ZNF385D: variants seen among roughly 807,000 people sequenced by gnomAD.
ZNF385D encodes zinc finger protein 385D, also known as zinc finger protein 659.
Under a neutral mutation model 35.8 loss-of-function variants are expected in ZNF385D, and 15 were observed. That is an observed-to-expected ratio of 0.42 (90% CI 0.28 to 0.64). The LOEUF (loss-of-function observed/expected upper bound fraction) is 0.64. Ranked by LOEUF, ZNF385D falls within the 30% of genes least tolerant of loss-of-function variation. The pLI, the probability that ZNF385D is intolerant of heterozygous loss-of-function variation, is 0.23. For synonymous variants in ZNF385D, 212 were observed against 186.8 expected, an observed-to-expected ratio of 1.13 and a Z score of -1.10; for missense variants, 474 against 494.6, an observed-to-expected ratio of 0.96 and a Z score of 0.39.
intron 3 of ZNF385D, among the ~76,000 whole-genome samples, chr3:21,517,092 C>G (rs1707619080): frequency 6.6e-6 from 1 of 151,236 alleles, no homozygotes; most frequent in Non-Finnish European, 1.5e-5. Flanking sequence ...AAAATTTTAT[C>G]TTTTTTTAAT....
At chr3:22,205,535 A>T (rs1449240712) in intron 2 of ZNF385D, among the ~76,000 whole-genome samples, 1 of 152,038 alleles carries the variant, frequency 6.6e-6, no homozygotes, top group East Asian at 1.9e-4. Flanking sequence ...GAAAGATGAA[A>T]AGACAAACTG....
At chr3:21,608,933 G>GA (rs2064581151) in intron 2 of ZNF385D, among the ~76,000 whole-genome samples, 2 of 152,082 alleles carry the variant, frequency 1.3e-5, no homozygotes, top group East Asian at 1.9e-4. Flanking sequence ...ACACAAGGAG[G>GA]AAAAAAATTT....
In ZNF385D at chr3:21,548,455, T is replaced by TG. The variant is rs991316958; in HGVS notation, c.276+16118dup. The stretch of plus-strand genomic sequence containing the variant: ...TTTGTTTAATTGGAAATATATCTCT[T>TG]GCTTCACTACTGCATTTTATCTTCC... On this transcript the variant is annotated intron_variant, in intron 3 of 7. Transcript: ENST00000281523. Among the ~76,000 whole-genome samples the TG allele has an allele frequency of 1.6e-4, 24 of 152,344 alleles. 1 individual carries two copies. The highest frequency in any genetic ancestry group is 1.1e-3 in the Admixed American group (17 of 15,306).
At chr3:22,227,069 C>A (rs1698602032) in intron 2 of ZNF385D, among the ~76,000 whole-genome samples, 1 of 152,108 alleles carries the variant, frequency 6.6e-6, no homozygotes, top group African/African-American at 2.4e-5. Flanking sequence ...CAAGCCCAGA[C>A]CCACTAAATC....
intron 2 of ZNF385D, among the ~76,000 whole-genome samples, chr3:21,587,988 C>G (rs574544145): frequency 5.9e-5 from 9 of 152,044 alleles, no homozygotes; most frequent in Admixed American, 5.9e-4. Context: ...AATTTTAGTG[C>G]CCATCAGTTT....
intron 2 of ZNF385D, among the ~76,000 whole-genome samples, chr3:22,173,947 C>CA (rs1694641062): frequency 6.6e-6 from 1 of 151,934 alleles, no homozygotes; most frequent in East Asian, 1.9e-4. Context: ...AACCCACTAA[C>CA]AAAAAATCTA....
At chr3:22,277,890 G>T (rs1345336311) in intron 2 of ZNF385D, among the ~76,000 whole-genome samples, 1 of 152,018 alleles carries the variant, frequency 6.6e-6, no homozygotes, top group African/African-American at 2.4e-5. Context: ...GGCTTAGTGT[G>T]TTTAAAGAAC....
chr3:21,761,724 G>A (rs2070618169), intron 3 of ZNF385D, among the ~76,000 whole-genome samples: 2 of 150,828 alleles, frequency 1.3e-5, no homozygotes, highest in Non-Finnish European at 2.9e-5. Flanking sequence ...TAATAGTCAT[G>A]AGAGAATGCA....
intron 2 of ZNF385D, among the ~76,000 whole-genome samples, chr3:21,578,547 A>G (rs1040405229): frequency 6.6e-6 from 1 of 152,128 alleles, no homozygotes; most frequent in Admixed American, 6.5e-5. Context: ...ATTCTTCTAT[A>G]TATGGATATC....
chr3:21,820,472 G>C, intron 3 of ZNF385D, among the ~76,000 whole-genome samples: 1 of 151,588 alleles, frequency 6.6e-6, no homozygotes, highest in East Asian at 1.9e-4. Context: ...GATCCGAGAG[G>C]AAAATTTGTC....
intron 2 of ZNF385D, among the ~76,000 whole-genome samples, chr3:22,284,177 TTTTGTTTG>T (rs143956125): frequency 2.0e-5 from 3 of 151,214 alleles, no homozygotes; most frequent in Non-Finnish European, 4.4e-5. Context: ...AACACAGGAT[TTTTGTTTG>T]TTTGTTTGTT....
At chr3:21,704,677 A>T (rs1408027869) in intron 1 of ZNF385D, among the ~76,000 whole-genome samples, 1 of 151,720 alleles carries the variant, frequency 6.6e-6, no homozygotes, top group Non-Finnish European at 1.5e-5. Context: ...CCCAGCTAGG[A>T]TATTATTTCC....
chr3:22,074,307 T>G (rs953190020), intron 3 of ZNF385D, among the ~76,000 whole-genome samples: 10 of 151,984 alleles, frequency 6.6e-5, no homozygotes, highest in Admixed American at 3.3e-4. Flanking sequence ...ATTAGATACA[T>G]AGTTACCATA....
intron 4 of ZNF385D, among the ~76,000 whole-genome samples, chr3:21,496,429 T>C (rs1002325714): frequency 2.3e-4 from 33 of 143,444 alleles, no homozygotes; most frequent in African/African-American, 8.3e-4. Context: ...ATATATCATA[T>C]ATACATATAT....
intron 3 of ZNF385D, among the ~76,000 whole-genome samples, chr3:21,981,668 T>C (rs1259423623): frequency 2.0e-5 from 3 of 152,192 alleles, no homozygotes; most frequent in Non-Finnish European, 4.4e-5. Flanking sequence ...ATTGCCTAGA[T>C]TGTCTTCTAG....
intron 1 of ZNF385D, among the ~76,000 whole-genome samples, chr3:21,719,746 G>C (rs2068464571): frequency 6.6e-6 from 1 of 151,136 alleles, no homozygotes; most frequent in South Asian, 2.1e-4. Context: ...CTCTCTCTCA[G>C]AGTATAATGT....
intron 3 of ZNF385D, among the ~76,000 whole-genome samples, chr3:21,818,200 G>A (rs906469998): frequency 1.3e-5 from 2 of 152,228 alleles, no homozygotes; most frequent in African/African-American, 4.8e-5. Flanking sequence ...GGATGGGGGA[G>A]GGATAGCACT....
chr3:21,871,631 T>C (rs529080709), intron 3 of ZNF385D, among the ~76,000 whole-genome samples: 20 of 152,132 alleles, frequency 1.3e-4, no homozygotes, highest in Non-Finnish European at 2.1e-4. Context: ...CTATGCCTCT[T>C]TGTGAGAGAT....
At chr3:21,807,861 A>G (rs558299245) in intron 3 of ZNF385D, among the ~76,000 whole-genome samples, 1 of 152,314 alleles carries the variant, frequency 6.6e-6, no homozygotes, top group East Asian at 1.9e-4. Context: ...ATAGTTACCT[A>G]GTTGCTTACC....
Sources: gnomAD v4.1 joint callset for allele counts (sites outside exome capture counted in the v4.1 genomes callset) on GRCh38, gnomAD v4.1.1 for gene constraint, MANE v1.5 for transcripts, NCBI Gene and HGNC (gene_info 2026-07-23, HGNC 2026-07-21) for gene names.